ZC2HC1B: variants seen among roughly 807,000 people sequenced by gnomAD.
The protein encoded by ZC2HC1B is zinc finger C2HC domain-containing protein 1B.
ZC2HC1B carries 36 observed loss-of-function variants against 31.0 expected under a neutral mutation model. The observed-to-expected ratio is 1.16, with a 90% confidence interval of 0.89 to 1.54. The LOEUF (loss-of-function observed/expected upper bound fraction) is 1.54. Among genes scored for constraint, ZC2HC1B ranks in the 40% most tolerant of loss-of-function variants. The pLI is 0.00. For missense variants in ZC2HC1B, 260 were observed against 268.6 expected (o/e 0.97, Z 0.22); for synonymous variants, 73 against 88.0 (o/e 0.83, Z 0.95).
rs187581345 is a variant in ZC2HC1B at position 143,895,556 on chromosome 6, A to C, written c.350-2996A>C. On this transcript the variant is annotated intron_variant, in intron 4 of 7. Coordinates refer to ENST00000237275, the MANE Select transcript of ZC2HC1B (RefSeq NM_001013623.3). This position sits in a 1 kb window ranked among gnomAD's most constrained non-coding sequence, Gnocchi z 4.8. ...CAGTAATTTCCCTTTTTTCCTCAGC[A>C]TGATTCCCTATTTTCATGATTCAGT... 6.6e-6 allele frequency among the ~76,000 whole-genome samples: 1 copy of C among 152,274 alleles called. No homozygotes were observed. The highest frequency in any genetic ancestry group is 1.5e-5 in the Non-Finnish European group (1 of 68,010).
In ZC2HC1B at chr6:143,869,832, TA is replaced by T. The variant is rs1777315020; in HGVS notation, c.28+5267del. ...AAGTCCATGTTGCTGAGTCCATGCA[TA>T]ACCTTCATTCCTGCCACCATGGCCA... On this transcript the variant is annotated intron_variant, in intron 1 of 7. Transcript: ENST00000237275. The surrounding 1 kb of genome is among the most constrained non-coding windows in gnomAD (Gnocchi z 5.2). Among the ~76,000 whole-genome samples the T allele has an allele frequency of 1.3e-5, 2 of 152,160 alleles. No individual in the cohort carries two copies. Among genetic ancestry groups the T allele is most frequent in the Admixed American group, 6.5e-5 (1 of 15,274 alleles).
rs1450127007 is a variant in ZC2HC1B, at chr6:143,868,723, A to G, written c.28+4156A>G. Among the ~76,000 whole-genome samples, 2 of 152,156 alleles carry G rather than the reference A, an allele frequency of 1.3e-5. No homozygotes were observed. Among genetic ancestry groups the G allele is most frequent in the East Asian group, 1.9e-4 (1 of 5,198 alleles). On this transcript the variant is annotated intron_variant, in intron 1 of 7. Transcript: ENST00000237275. This position sits in a 1 kb window ranked among gnomAD's most constrained non-coding sequence, Gnocchi z 4.2. ...TACCCATCTCCTGAGATCATACATA[A>G]TCTTCAAATAAAGACAATAATAAGG...
In ZC2HC1B at chr6:143,905,868, T is replaced by A. The variant is rs1404491893; in HGVS notation, c.598+2716T>A. Among the ~76,000 whole-genome samples the A allele has an allele frequency of 6.6e-6, 1 of 152,220 alleles. No individual in the cohort carries two copies. Among genetic ancestry groups the A allele is most frequent in the Non-Finnish European group, 1.5e-5 (1 of 68,030 alleles). On this transcript the variant is annotated intron_variant, in intron 6 of 7. Transcript: ENST00000237275. This position sits in a 1 kb window ranked among gnomAD's most constrained non-coding sequence, Gnocchi z 4.2. ...TGTAGTGTACATTGATCGATTTTCATGTGTTGAACCATCCCTGTATCCCAG... is the reference window on the plus strand; with the variant it reads ...TGTAGTGTACATTGATCGATTTTCAAGTGTTGAACCATCCCTGTATCCCAG...
Position 143,913,607 on chromosome 6 carries a change from T to G in ZC2HC1B, c.598+10455T>G, listed in dbSNP as rs1777885557. The stretch of plus-strand genomic sequence containing the variant: ...ACTGGTGTATTTAAAGCTCCTGGGT[T>G]TCTGTGTGTGCCTGAGCAGTTGCTC... On this transcript the variant is annotated intron_variant, in intron 6 of 7. Coordinates refer to ENST00000237275, the MANE Select transcript of ZC2HC1B (RefSeq NM_001013623.3). This position sits in a 1 kb window ranked among gnomAD's most constrained non-coding sequence, Gnocchi z 5.7. Among the ~76,000 whole-genome samples, 1 of 152,228 alleles carries G rather than the reference T, an allele frequency of 6.6e-6. No individual in the cohort carries two copies. The highest frequency in any genetic ancestry group is 1.5e-5 in the Non-Finnish European group (1 of 68,044).
chr6:143,869,382 TATATC>T lies in ZC2HC1B; in HGVS notation c.28+4817_28+4821del, dbSNP rs1490178566. Among the ~76,000 whole-genome samples, 1 of 152,214 alleles carries T rather than the reference TATATC, an allele frequency of 6.6e-6. No homozygotes were observed. Among genetic ancestry groups the T allele is most frequent in the Non-Finnish European group, 1.5e-5 (1 of 68,032 alleles). On this transcript the variant is annotated intron_variant, in intron 1 of 7. Transcript: ENST00000237275. This position sits in a 1 kb window ranked among gnomAD's most constrained non-coding sequence, Gnocchi z 5.2. ...TGACTTCAAAAGGCCATCCCACCGTTATATCAATCCAACTGCTTCAGGATGATGAA... is the reference window on the plus strand; with the variant it reads ...TGACTTCAAAAGGCCATCCCACCGTTAATCCAACTGCTTCAGGATGATGAA...
At position 143,899,585 on chromosome 6, in the gene ZC2HC1B, C is replaced by T. The variant is rs1777710036; in HGVS notation, c.489+894C>T. Among the ~76,000 whole-genome samples, 2 of 152,188 alleles carry T rather than the reference C, an allele frequency of 1.3e-5. No individual in the cohort carries two copies. The highest frequency in any genetic ancestry group is 2.1e-4 in the South Asian group (1 of 4,828). The stretch of plus-strand genomic sequence containing the variant: ...AGAGATGGGGTCTCACTGTGTTGCT[C>T]AGGCTGGTCTCAAACTCCTGGGCCC... On this transcript the variant is annotated intron_variant, in intron 5 of 7. Coordinates refer to ENST00000237275, the MANE Select transcript of ZC2HC1B (RefSeq NM_001013623.3). This position sits in a 1 kb window ranked among gnomAD's most constrained non-coding sequence, Gnocchi z 5.0.
chr6:143,897,167 T>G (rs1777678260), intron 4 of ZC2HC1B, among the ~76,000 whole-genome samples: 2 of 152,018 alleles, frequency 1.3e-5, no homozygotes, highest in Non-Finnish European at 2.9e-5. Flanking sequence ...ATTCTTAACA[T>G]CACTACATGA....
chr6:143,892,694 AC>A lies in ZC2HC1B; in HGVS notation c.350-5853del, dbSNP rs1777615534. Reference sequence around the variant, plus strand: ...TACCAAGCTTGTTCATAATACATCCACCCCCATGATCCAAACACCTCACACT... The same window carrying A: ...TACCAAGCTTGTTCATAATACATCCACCCCATGATCCAAACACCTCACACT... On this transcript the variant is annotated intron_variant, in intron 4 of 7. Coordinates refer to ENST00000237275, the MANE Select transcript of ZC2HC1B (RefSeq NM_001013623.3). Among the ~76,000 whole-genome samples, 3 of 152,070 alleles carry A rather than the reference AC, an allele frequency of 2.0e-5. No individual in the cohort carries two copies. The South Asian group carries it at 6.2e-4, about 32-fold the overall frequency.
At chr6:143,906,029 G>A (rs1435165810) in intron 6 of ZC2HC1B, among the ~76,000 whole-genome samples, 1 of 152,100 alleles carries the variant, frequency 6.6e-6, no homozygotes, top group Non-Finnish European at 1.5e-5. Context: ...TGAAGTCAGG[G>A]TATCCTTCAC....
chr6:143,879,385 CG>C (rs1215915097), intron 1 of ZC2HC1B, among the ~76,000 whole-genome samples: 2 of 152,122 alleles, frequency 1.3e-5, no homozygotes, highest in Non-Finnish European at 2.9e-5. Context: ...CAAAATTAGA[CG>C]GGAAGCTCTA....
rs1473761501 is a variant in ZC2HC1B at position 143,886,573 on chromosome 6, C to T, written c.211-110C>T. The T allele has an allele frequency of 5.3e-6, 6 of 1,135,440 alleles. No homozygotes were observed. The highest frequency in any genetic ancestry group is 6.9e-6 in the Non-Finnish European group (6 of 868,046). 70.3% of individuals were successfully genotyped at this position (1,135,440 alleles called of 1,614,324 possible). On this transcript the variant is annotated intron_variant, in intron 3 of 7. Transcript: ENST00000237275. This position sits in a 1 kb window ranked among gnomAD's most constrained non-coding sequence, Gnocchi z 4.2. Reference sequence around the variant, plus strand: ...TTTTGAAAAACAAACTCTCCTTTTCCCCAATTTTCACAGTTCTGTTTCCTG... The same window carrying T: ...TTTTGAAAAACAAACTCTCCTTTTCTCCAATTTTCACAGTTCTGTTTCCTG...
chr6:143,898,815 T>G (rs894526514), intron 5 of ZC2HC1B, 124 bp downstream of exon 5: 3 of 1,248,224 alleles, frequency 2.4e-6, no homozygotes, highest in Non-Finnish European at 3.3e-6. Context: ...GAGCTGATCA[T>G]GATTGCTCAC....
At position 143,903,799 on chromosome 6, in the gene ZC2HC1B, G is replaced by C. The variant is rs752762894; in HGVS notation, c.598+647G>C. Among the ~76,000 whole-genome samples the C allele has an allele frequency of 3.9e-5, 6 of 152,134 alleles. No individual in the cohort carries two copies. The highest frequency in any genetic ancestry group is 7.3e-5 in the Non-Finnish European group (5 of 68,034). ...TCCTGTATACACTAAATCATCTCCAGATTACTTATAATACCTAAGGCAATG... is the reference window on the plus strand; with the variant it reads ...TCCTGTATACACTAAATCATCTCCACATTACTTATAATACCTAAGGCAATG... On this transcript the variant is annotated intron_variant, in intron 6 of 7. Coordinates refer to ENST00000237275, the MANE Select transcript of ZC2HC1B (RefSeq NM_001013623.3). The surrounding 1 kb of genome is among the most constrained non-coding windows in gnomAD (Gnocchi z 4.3).
In ZC2HC1B at chr6:143,901,250, C is replaced by CTTTT. The variant is rs760366226; in HGVS notation, c.490-1770_490-1767dup. Reference sequence around the variant, plus strand: ...AATTTCTTTCTTTCTTTCTTTCTTCCTTTTTTTTTTTTTTTTTTTTTTTTT... The same window carrying CTTTT: ...AATTTCTTTCTTTCTTTCTTTCTTCCTTTTTTTTTTTTTTTTTTTTTTTTTTTTT... On this transcript the variant is annotated intron_variant, in intron 5 of 7. Coordinates refer to ENST00000237275, the MANE Select transcript of ZC2HC1B (RefSeq NM_001013623.3). 8.3e-4 allele frequency among the ~76,000 whole-genome samples: 75 copies of CTTTT among 90,494 alleles called. 3 individuals are homozygous for CTTTT. Among genetic ancestry groups the CTTTT allele is most frequent in the African/African-American group, 1.9e-3 (35 of 18,830 alleles). 59.4% of individuals were successfully genotyped at this position (90,494 alleles called of 152,430 possible). A position where few individuals can be genotyped will look rare whatever the true frequency, so the allele number is the denominator to read the frequency against.
chr6:143,867,538 A>G (rs780727596), intron 1 of ZC2HC1B, among the ~76,000 whole-genome samples: 32 of 152,256 alleles, frequency 2.1e-4, no homozygotes, highest in Non-Finnish European at 3.4e-4. Context: ...CTTGTTTTAT[A>G]TTTTCTGCTT....
chr6:143,901,851 A>G (rs977420024), intron 5 of ZC2HC1B, among the ~76,000 whole-genome samples: 1 of 152,140 alleles, frequency 6.6e-6, no homozygotes, highest in African/African-American at 2.4e-5. Context: ...CAGCCTAATT[A>G]TGGAAAAGTT....
intron 5 of ZC2HC1B, among the ~76,000 whole-genome samples, chr6:143,902,113 G>T (rs988126140): frequency 2.0e-5 from 3 of 152,122 alleles, no homozygotes; most frequent in African/African-American, 7.2e-5. Flanking sequence ...AAGAAAAATT[G>T]CTTGCTTTGT....
rs140294140 is a variant in ZC2HC1B, at chr6:143,868,375, A to G, written c.28+3808A>G. On this transcript the variant is annotated intron_variant, in intron 1 of 7. Coordinates refer to ENST00000237275, the MANE Select transcript of ZC2HC1B (RefSeq NM_001013623.3). This position sits in a 1 kb window ranked among gnomAD's most constrained non-coding sequence, Gnocchi z 4.2. ...GACAACCAGTACAGTGCCAAAACTG[A>G]AGAACTTGGAGTTCAATGTTTGAGG... is the stretch of plus-strand genomic sequence containing the variant. 2.1e-3 allele frequency among the ~76,000 whole-genome samples: 318 copies of G among 152,342 alleles called. 2 individuals carry two copies. The highest frequency in any genetic ancestry group is 7.4e-3 in the African/African-American group (309 of 41,590).
rs1777306846 is a variant in ZC2HC1B, at chr6:143,869,176, G to A, written c.28+4609G>A. Among the ~76,000 whole-genome samples the A allele has an allele frequency of 6.6e-6, 1 of 152,140 alleles. No homozygotes were observed. Among genetic ancestry groups the A allele is most frequent in the African/African-American group, 2.4e-5 (1 of 41,436 alleles). ...TTTGTAGTCCTGCCTGGATTAGGCT[G>A]TTGTAGTTTCCCATTGACCTGAATC... On this transcript the variant is annotated intron_variant, in intron 1 of 7. Transcript: ENST00000237275. This position sits in a 1 kb window ranked among gnomAD's most constrained non-coding sequence, Gnocchi z 5.2.
Sources: gnomAD v4.1 joint callset for allele counts (sites outside exome capture counted in the v4.1 genomes callset) on GRCh38, gnomAD v4.1.1 for gene constraint, Gnocchi (gnomAD v3.1) non-coding constraint, MANE v1.5 for transcripts, NCBI Gene and HGNC (gene_info 2026-07-23, HGNC 2026-07-21) for gene names.